PEX5L: variants seen among roughly 807,000 people sequenced by gnomAD.
PEX5L encodes the protein peroxisomal biogenesis factor 5 like, also known as PEX5-related protein.
In PEX5L, 30 loss-of-function variants were observed where a neutral mutation model predicts 84.0. That is an observed-to-expected ratio of 0.36 (90% CI 0.27 to 0.48). The LOEUF (loss-of-function observed/expected upper bound fraction) is 0.48, where lower values mean the gene tolerates loss of function less well. Among genes scored for constraint, PEX5L ranks in the 20% least tolerant of loss-of-function variants. The pLI is 0.99. For missense variants in PEX5L, 533 were observed against 754.6 expected (o/e 0.71, Z 3.44); for synonymous variants, 270 against 283.1 (o/e 0.95, Z 0.46).
chr3:179,902,161 ATAGT>A (rs958553507), intron 2 of PEX5L: 4 of 152,492 alleles, frequency 2.6e-5, no homozygotes, highest in African/African-American at 9.7e-5. Context: ...TCTTCCATAG[ATAGT>A]TGAGGACACC....
chr3:179,931,588 C>T (rs181682893), intron 2 of PEX5L, among the ~76,000 whole-genome samples: 145 of 152,020 alleles, frequency 9.5e-4, no homozygotes, highest in Middle Eastern at 3.4e-3. Context: ...TGCCTGAAGC[C>T]GTATGTTCTG....
At chr3:179,808,512 A>C (rs1722292699) in intron 12 of PEX5L, 75 bp from the exon 13 acceptor site, 1 of 1,149,526 alleles carries the variant, frequency 8.7e-7, no homozygotes, top group Admixed American at 2.9e-5. Context: ...AAATCCCTTG[A>C]CTGTATTTCA....
At chr3:179,816,355 T>C (rs1726083521) in intron 9 of PEX5L, among the ~76,000 whole-genome samples, 1 of 152,162 alleles carries the variant, frequency 6.6e-6, no homozygotes. Context: ...CCATCAATGA[T>C]AGACTGGATA....
At chr3:179,851,444 C>G (rs9822473) in intron 8 of PEX5L, among the ~76,000 whole-genome samples, 73,181 of 152,044 alleles carry the variant, frequency 0.48, 19,040 homozygotes, top group East Asian at 0.75. Flanking sequence ...TTCATACCAT[C>G]TCACTGGGGA....
chr3:179,956,157 A>C (rs73883428), intron 2 of PEX5L, among the ~76,000 whole-genome samples: 7,196 of 152,198 alleles, frequency 0.047, 591 homozygotes, highest in African/African-American at 0.17. Context: ...AGGGAAGTCA[A>C]GGCTTAGAGA....
At chr3:179,969,448 A>G (rs1784195616) in intron 2 of PEX5L, among the ~76,000 whole-genome samples, 1 of 152,082 alleles carries the variant, frequency 6.6e-6, no homozygotes, top group African/African-American at 2.4e-5. Context: ...TTTCTGGAAA[A>G]CAAATGTACA....
At chr3:180,002,046 C>T (rs1561047229) in intron 1 of PEX5L, among the ~76,000 whole-genome samples, 1 of 152,178 alleles carries the variant, frequency 6.6e-6, no homozygotes, top group Non-Finnish European at 1.5e-5. Context: ...GAACAACCAC[C>T]TAAATCCATC....
intron 7 of PEX5L, among the ~76,000 whole-genome samples, chr3:179,873,282 A>C (rs535994259): frequency 6.6e-6 from 1 of 152,330 alleles, no homozygotes; most frequent in South Asian, 2.1e-4. Context: ...GCACTCAGTA[A>C]TATCTGCTAT....
intron 1 of PEX5L, among the ~76,000 whole-genome samples, chr3:180,001,313 C>A (rs1579298162): frequency 6.8e-6 from 1 of 147,822 alleles, no homozygotes; most frequent in Non-Finnish European, 1.5e-5. Context: ...ATAAACTCCC[C>A]TTTATATTCA....
intron 2 of PEX5L, among the ~76,000 whole-genome samples, chr3:179,952,227 G>A (rs898425786): frequency 2.0e-5 from 3 of 152,146 alleles, no homozygotes; most frequent in Non-Finnish European, 4.4e-5. Context: ...AACAACAGAC[G>A]AAAGGCATAC....
chr3:179,957,640 T>C (rs1211193918), intron 2 of PEX5L, among the ~76,000 whole-genome samples: 1 of 152,204 alleles, frequency 6.6e-6, no homozygotes, highest in Non-Finnish European at 1.5e-5. Context: ...TATACTCCCA[T>C]AACAGAAAGC....
chr3:180,036,705 G>GAGGGT lies in PEX5L; in HGVS notation c.-111_-107dup. 7.6e-7 allele frequency: 1 copy of GAGGGT among 1,318,378 alleles called. No homozygotes were observed. The highest frequency in any genetic ancestry group is 1.2e-5 in the South Asian group (1 of 84,916). The allele number at this position is 1,318,378 out of a possible 1,614,324, so 81.7% of individuals were successfully genotyped here. A position where few individuals can be genotyped will look rare whatever the true frequency, so the allele number is the denominator to read the frequency against. On this transcript the variant is annotated 5_prime_UTR_variant, in exon 1 of 15. Transcript: ENST00000467460. The stretch of plus-strand genomic sequence containing the variant: ...AAGGTGGGTGCACAGCGGGTTCTCA[G>GAGGGT]AGGGTGCTCCTGAGCCCCCTGGAGC...
intron 1 of PEX5L, among the ~76,000 whole-genome samples, chr3:179,987,779 T>C (rs1269973736): frequency 6.6e-6 from 1 of 152,218 alleles, no homozygotes; most frequent in Non-Finnish European, 1.5e-5. Context: ...TTGTTAAATC[T>C]TCTTTTAACA....
intron 1 of PEX5L, among the ~76,000 whole-genome samples, chr3:180,012,796 T>C (rs1276200788): frequency 6.6e-6 from 1 of 152,140 alleles, no homozygotes; most frequent in African/African-American, 2.4e-5. Flanking sequence ...AATACCTATA[T>C]CTTATTAGGT....
intron 1 of PEX5L, among the ~76,000 whole-genome samples, chr3:180,003,859 A>C (rs1219814297): frequency 6.6e-6 from 1 of 152,206 alleles, no homozygotes; most frequent in African/African-American, 2.4e-5. Context: ...CTGTTGGACA[A>C]ATAAGTGAAG....
At chr3:179,891,085 G>A (rs1757478794) in intron 3 of PEX5L, among the ~76,000 whole-genome samples, 1 of 151,438 alleles carries the variant, frequency 6.6e-6, no homozygotes, top group South Asian at 2.1e-4. Context: ...TACCAAAGGA[G>A]AGGCTATTCT....
chr3:179,967,268 T>C (rs1005118478), intron 2 of PEX5L, among the ~76,000 whole-genome samples: 9 of 152,174 alleles, frequency 5.9e-5, no homozygotes, highest in Non-Finnish European at 1.2e-4. Context: ...AGCTGGCTTC[T>C]AGGGCTCTTC....
At chr3:179,891,743 C>A (rs1757693298) in intron 3 of PEX5L, among the ~76,000 whole-genome samples, 1 of 152,080 alleles carries the variant, frequency 6.6e-6, no homozygotes, top group South Asian at 2.1e-4. Context: ...CATAGGAAGT[C>A]CCATTTTATT....
intron 2 of PEX5L, chr3:179,921,501 C>T (rs536430980): frequency 6.6e-6 from 1 of 152,342 alleles, no homozygotes; most frequent in Admixed American, 6.5e-5. Context: ...TGGAGTTCAT[C>T]TGAAGTTTTT....
Sources: allele counts gnomAD v4.1 joint callset (sites outside exome capture counted in the v4.1 genomes callset), GRCh38; gene constraint gnomAD v4.1.1; transcripts MANE v1.5; gene names NCBI Gene and HGNC (gene_info 2026-07-23, HGNC 2026-07-21).